The following AKR1D1 variants were observed in gnomAD, a reference collection of about 807,000 sequenced individuals.
The protein encoded by AKR1D1 is aldo-keto reductase family 1 member D1.
Under a neutral mutation model 42.6 loss-of-function variants are expected in AKR1D1, and 32 were observed. The observed-to-expected ratio is 0.75, with a 90% CI of 0.57 to 1.01. AKR1D1 has a LOEUF of 1.01. Among genes scored for constraint, AKR1D1 ranks in the 50% least tolerant of loss-of-function variants. The pLI is 0.00. For synonymous variants in AKR1D1, 123 were observed against 135.5 expected, an observed-to-expected ratio of 0.91 and a Z score of 0.64; for missense variants, 364 against 402.2, an observed-to-expected ratio of 0.91 and a Z score of 0.81.
intron 8 of AKR1D1, among the ~76,000 whole-genome samples, chr7:138,115,393 C>A (rs1258448966): frequency 6.6e-6 from 1 of 152,180 alleles, no homozygotes; most frequent in Non-Finnish European, 1.5e-5. Context: ...TAAGGCTACG[C>A]TCCAGCCTGG....
chr7:138,095,253 A>T (rs1341418904), intron 3 of AKR1D1, among the ~76,000 whole-genome samples: 2 of 152,214 alleles, frequency 1.3e-5, no homozygotes, highest in Non-Finnish European at 2.9e-5. Context: ...ATTAGGAAAC[A>T]CAAGGTAAGA....
At chr7:138,089,003 T>C (rs17169511) in intron 2 of AKR1D1, among the ~76,000 whole-genome samples, 2,459 of 152,168 alleles carry the variant, frequency 0.016, 73 homozygotes, top group African/African-American at 0.056. Flanking sequence ...GAATTATTTA[T>C]TAGTTTGGGA....
intron 4 of AKR1D1, among the ~76,000 whole-genome samples, chr7:138,101,159 C>T (rs1263906286): frequency 1.6e-5 from 1 of 62,064 alleles, no homozygotes; most frequent in Non-Finnish European, 3.3e-5. Flanking sequence ...TTCCCTCCCT[C>T]CCTCCCTCCC....
chr7:138,096,299 A>G (rs928371019), intron 3 of AKR1D1, among the ~76,000 whole-genome samples: 3 of 152,172 alleles, frequency 2.0e-5, no homozygotes, highest in African/African-American at 7.2e-5. Context: ...ACACTGGGTA[A>G]TAGATAATAA....
In AKR1D1 at chr7:138,117,678, T is replaced by C. The variant is rs1794660223; in HGVS notation, c.*1016T>C. On this transcript the variant is annotated 3_prime_UTR_variant, in exon 9 of 9. Coordinates refer to ENST00000242375, the MANE Select transcript of AKR1D1 (RefSeq NM_005989.4). The stretch of plus-strand genomic sequence containing the variant: ...ACAATTTAAAGAGTGAATAAGATTA[T>C]TAGAATTCAGCAATAGAGATATATC... 6.6e-6 allele frequency: 1 copy of C among 152,234 alleles called. No homozygotes were observed. Among genetic ancestry groups the C allele is most frequent in the Non-Finnish European group, 1.5e-5 (1 of 68,044 alleles). The allele number at this position is 152,234 out of a possible 1,614,324, so 9.4% of individuals were successfully genotyped here.
At chr7:138,077,019 T>C (rs1802952610) in intron 1 of AKR1D1, among the ~76,000 whole-genome samples, 1 of 152,122 alleles carries the variant, frequency 6.6e-6, no homozygotes, top group Admixed American at 6.6e-5. Context: ...AGAAGTGTCA[T>C]ATATGAGGAA....
At chr7:138,078,800 G>C (rs1260383051) in intron 1 of AKR1D1, among the ~76,000 whole-genome samples, 1 of 152,144 alleles carries the variant, frequency 6.6e-6, no homozygotes, top group Admixed American at 6.5e-5. Context: ...GGTTGAGACT[G>C]CTGTAGTTGC....
At chr7:138,106,485 A>C in intron 5 of AKR1D1, 123 bp from the exon 6 acceptor site, 1 of 749,492 alleles carries the variant, frequency 1.3e-6, no homozygotes, top group South Asian at 1.5e-5. Flanking sequence ...CACGAAATGT[A>C]TATAGTATGA....
At chr7:138,108,292 C>A (rs1794472663) in intron 7 of AKR1D1, among the ~76,000 whole-genome samples, 1 of 152,272 alleles carries the variant, frequency 6.6e-6, no homozygotes, top group Non-Finnish European at 1.5e-5. Flanking sequence ...TAGGTAAACA[C>A]AACCATAGAA....
At chr7:138,079,964 C>T (rs1803018894) in intron 1 of AKR1D1, among the ~76,000 whole-genome samples, 1 of 152,182 alleles carries the variant, frequency 6.6e-6, no homozygotes, top group African/African-American at 2.4e-5. Context: ...ACAATAGGGC[C>T]TGCTGGGTCA....
chr7:138,101,607 A>C (rs1393610728), intron 4 of AKR1D1, among the ~76,000 whole-genome samples: 1 of 152,224 alleles, frequency 6.6e-6, no homozygotes, highest in African/African-American at 2.4e-5. Context: ...TAAATAACCC[A>C]TAAGACCTAA....
rs1794439494 is a variant in AKR1D1, at chr7:138,106,645, T to C, written c.617T>C (p.Leu206Ser). The change falls in exon 6 of 9, where the codon TTG becomes TCG. Residue 206 changes from leucine (L) to serine (S), a missense_variant. Transcript: ENST00000242375. Reference protein sequence around the residue: ...CHPYFTQPKLLKFCQQHDIVI... With the variant: ...CHPYFTQPKLSKFCQQHDIVI... The stretch of plus-strand genomic sequence containing the variant: ...CCGTATTTCACCCAGCCAAAACTCT[T>C]GAAATTTTGCCAACAACATGACATT... 1 of 1,614,058 alleles carries C rather than the reference T, an allele frequency of 6.2e-7. No individual in the cohort carries two copies. The highest frequency in any genetic ancestry group is 8.5e-7 in the Non-Finnish European group (1 of 1,180,016).
intron 1 of AKR1D1, among the ~76,000 whole-genome samples, chr7:138,080,105 G>A (rs1254777347): frequency 1.3e-5 from 2 of 152,196 alleles, no homozygotes; most frequent in Non-Finnish European, 2.9e-5. Context: ...CTGCAAGTAT[G>A]GAATATGCTG....
intron 4 of AKR1D1, among the ~76,000 whole-genome samples, chr7:138,099,731 G>T: frequency 6.6e-6 from 1 of 151,986 alleles, no homozygotes; most frequent in Non-Finnish European, 1.5e-5. Flanking sequence ...GGTGGGCATA[G>T]TGGCTCATGC....
rs758411386 is a variant in AKR1D1 at position 138,116,632 on chromosome 7, T to A, written c.951T>A (p.His317Gln). The A allele has an allele frequency of 2.9e-5, 47 of 1,614,056 alleles. No homozygotes were observed. The highest frequency in any genetic ancestry group is 3.7e-5 in the Non-Finnish European group (44 of 1,180,048). ...ATTGTTTTGGCAGGTGGCGCGATCA[T>A]CCTGAATACCCATTTCATGATGAAT... Reference protein sequence around the residue: ...RFVELLMWRDHPEYPFHDEY With the variant: ...RFVELLMWRDQPEYPFHDEY The change falls in exon 9 of 9, where the codon CAT (histidine) becomes CAA (glutamine). Residue 317 changes from histidine to glutamine, a missense_variant. Physicochemically the swap from His to Gln is conservative, Grantham distance 24. Transcript: ENST00000242375.
chr7:138,110,205 A>G (rs1218822867), intron 7 of AKR1D1, among the ~76,000 whole-genome samples: 1 of 152,208 alleles, frequency 6.6e-6, no homozygotes, highest in Non-Finnish European at 1.5e-5. Context: ...TGTTAGAAAT[A>G]TTTTAAAAGA....
intron 4 of AKR1D1, among the ~76,000 whole-genome samples, chr7:138,101,633 T>C (rs1299585131): frequency 6.6e-6 from 1 of 152,244 alleles, no homozygotes; most frequent in East Asian, 1.9e-4. Context: ...TTAAAATCTT[T>C]ATCTAGATGT....
intron 4 of AKR1D1, among the ~76,000 whole-genome samples, chr7:138,100,430 TAAAAGCAAAAGTCTTTCA>T (rs1794273938): frequency 6.6e-6 from 1 of 152,070 alleles, no homozygotes; most frequent in Non-Finnish European, 1.5e-5. Flanking sequence ...ACCAACAGGT[TAAAAGCAAAAGTCTTTCA>T]AAAAGCAAAA....
chr7:138,091,893 A>C lies in AKR1D1; in HGVS notation c.378+9A>C. ...TACCCATGGCCTTTAAGGTGAGTTC[A>C]GATGCCCAAAGGTCAGGTCTCTGCA... On this transcript the variant is annotated intron_variant, in intron 3 of 8. Coordinates refer to ENST00000242375, the MANE Select transcript of AKR1D1 (RefSeq NM_005989.4). 6.3e-7 allele frequency: 1 copy of C among 1,585,494 alleles called. No individual in the cohort carries two copies. The highest frequency in any genetic ancestry group is 8.7e-7 in the Non-Finnish European group (1 of 1,154,434).
Sources: gnomAD v4.1 joint callset for allele counts (sites outside exome capture counted in the v4.1 genomes callset) on GRCh38, gnomAD v4.1.1 for gene constraint, MANE v1.5 for transcripts, NCBI Gene and HGNC (gene_info 2026-07-23, HGNC 2026-07-21) for gene names.